The following MS4A10 variants were observed in gnomAD, a reference collection of about 807,000 sequenced individuals.
MS4A10 encodes membrane spanning 4-domains A10.
In MS4A10, 27 loss-of-function variants were observed where a neutral mutation model predicts 27.7. The ratio of observed to expected loss-of-function variants is 0.98; its 90% CI spans 0.72 to 1.35. MS4A10 has a LOEUF of 1.35. Among genes scored for constraint, MS4A10 ranks in the 40% most tolerant of loss-of-function variants. The probability of loss-of-function intolerance (pLI) is 0.00; values close to 1 mark genes in which losing one functional copy is unlikely to be tolerated. For missense variants in MS4A10, 338 were observed against 324.7 expected, an observed-to-expected ratio of 1.04 and a Z score of -0.32; for synonymous variants, 139 against 131.2, an observed-to-expected ratio of 1.06 and a Z score of -0.41.
intron 3 of MS4A10, 66 bp from the exon 4 acceptor site, chr11:60,792,199 G>T (rs1004592494): frequency 9.8e-6 from 12 of 1,227,826 alleles, no homozygotes; most frequent in Non-Finnish European, 1.4e-5. Flanking sequence ...TAGGGGTGGG[G>T]GTGGGAATTT....
intron 3 of MS4A10, among the ~76,000 whole-genome samples, chr11:60,791,698 T>C (rs1391414716): frequency 6.6e-6 from 1 of 152,214 alleles, no homozygotes; most frequent in Admixed American, 6.5e-5. Flanking sequence ...CCCTTTCACA[T>C]CAGTCCACTG....
rs1428554789 is a variant in MS4A10, at chr11:60,800,612, T to C, written c.*703T>C. 1 of 152,358 alleles carries C rather than the reference T, an allele frequency of 6.6e-6. No individual in the cohort carries two copies. The highest frequency in any genetic ancestry group is 1.9e-4 in the East Asian group (1 of 5,206). 9.4% of individuals were successfully genotyped at this position (152,358 alleles called of 1,614,324 possible). A position where few individuals can be genotyped will look rare whatever the true frequency, so the allele number is the denominator to read the frequency against. Reference sequence around the variant, plus strand: ...TTGTCATCTCTTTCGCTGCCACTTCTGGCTGTGGTCACTAGCTTGGCCATA... The same window carrying C: ...TTGTCATCTCTTTCGCTGCCACTTCCGGCTGTGGTCACTAGCTTGGCCATA... On this transcript the variant is annotated 3_prime_UTR_variant, in exon 8 of 8. Transcript: ENST00000308287.
intron 6 of MS4A10, among the ~76,000 whole-genome samples, chr11:60,797,828 G>GA (rs111465955): frequency 2.0e-5 from 3 of 152,248 alleles, no homozygotes; most frequent in African/African-American, 7.2e-5. Flanking sequence ...TTTTAAAGAG[G>GA]AAAAAATGAA....
intron 5 of MS4A10, among the ~76,000 whole-genome samples, chr11:60,794,347 G>A (rs1008039550): frequency 3.3e-5 from 5 of 152,162 alleles, no homozygotes; most frequent in Admixed American, 2.0e-4. Flanking sequence ...GGCCAGAGAC[G>A]GGGAGGAGCC....
intron 4 of MS4A10, among the ~76,000 whole-genome samples, chr11:60,793,441 T>C (rs1177027806): frequency 6.6e-6 from 1 of 152,200 alleles, no homozygotes. Flanking sequence ...AAGAGGCTCT[T>C]GGAATGATGC....
At chr11:60,786,071 A>G (rs1854330121) in intron 1 of MS4A10, among the ~76,000 whole-genome samples, 1 of 151,594 alleles carries the variant, frequency 6.6e-6, no homozygotes, top group African/African-American at 2.4e-5. Context: ...CCCACCCCCA[A>G]CACCAGCCTG....
chr11:60,798,422 TAC>T lies in MS4A10; in HGVS notation c.633_634del (p.Pro212IlefsTer34). 3 of 1,614,076 alleles carry T rather than the reference TAC, an allele frequency of 1.9e-6. No homozygotes were observed. The highest frequency in any genetic ancestry group is 8.5e-7 in the Non-Finnish European group (1 of 1,179,946). On this transcript the variant is annotated frameshift_variant, in exon 7 of 8. Transcript: ENST00000308287. LOFTEE classifies it high-confidence loss of function. ...ATGATGATGCATGCCTTGTTCCGAA[TAC>T]ACCATTGCATCTCAAAGGCCTGCCG... is the stretch of plus-strand genomic sequence containing the variant. Reference protein sequence around the residue: ...KNDDACLVPNTPLHLKGLPVE... With the variant: ...KNDDACLVPNXPLHLKGLPVE...
At position 60,791,015 on chromosome 11, in the gene MS4A10, G is replaced by A; in HGVS notation, c.225G>A (p.Gly75=). 1 of 1,614,150 alleles carries A rather than the reference G, an allele frequency of 6.2e-7. No homozygotes were observed. The highest frequency in any genetic ancestry group is 8.5e-7 in the Non-Finnish European group (1 of 1,180,028). Reference sequence around the variant, plus strand: ...TCGCTCTGCTGCACCTGGTCTTTGGGGGCTACCTGGCCTCTATAGTCAAGA... The same window carrying A: ...TCGCTCTGCTGCACCTGGTCTTTGGAGGCTACCTGGCCTCTATAGTCAAGA... ...ITIALLHLVF[G]GYLASIVKNL... The change falls in exon 3 of 8, where the codon GGG becomes GGA. Residue 75 remains glycine, a synonymous_variant. Coordinates refer to ENST00000308287, the MANE Select transcript of MS4A10 (RefSeq NM_206893.4).
chr11:60,796,718 CCA>C (rs1854540375), intron 6 of MS4A10, among the ~76,000 whole-genome samples: 2 of 152,154 alleles, frequency 1.3e-5, no homozygotes, highest in Middle Eastern at 3.2e-3. Context: ...TATGTCCAAC[CCA>C]CAGTCTTGCC....
In MS4A10 at chr11:60,795,615, C is replaced by A. The variant is rs1482741851; in HGVS notation, c.553C>A (p.Pro185Thr). The A allele has an allele frequency of 3.8e-6, 6 of 1,595,854 alleles. No individual in the cohort carries two copies. Among genetic ancestry groups the A allele is most frequent in the Non-Finnish European group, 4.3e-6 (5 of 1,170,896 alleles). Residue 185 changes from proline (P) to threonine (T), a missense_variant, in exon 6 of 8, where the codon CCA becomes ACA. Physicochemically the swap from Pro to Thr is conservative, Grantham distance 38. Coordinates refer to ENST00000308287, the MANE Select transcript of MS4A10 (RefSeq NM_206893.4). ...CTTCACTGTCCTAGAGCTCTTCCTG[C>A]CAGTGCCCACAGCTGTCACAGCCTG... ...LCFTVLELFL[P>T]VPTAVTAWRG... is the part of the protein sequence containing the mutation.
intron 7 of MS4A10, among the ~76,000 whole-genome samples, chr11:60,799,228 G>A (rs550260876): frequency 2.0e-5 from 3 of 152,288 alleles, no homozygotes; most frequent in Middle Eastern, 3.4e-3. Context: ...TTGTGACATC[G>A]AGGTTGCCAG....
chr11:60,790,609 GAA>G, intron 2 of MS4A10, 91 bp downstream of exon 2: 2 of 1,385,886 alleles, frequency 1.4e-6, no homozygotes, highest in Non-Finnish European at 2.0e-6. Flanking sequence ...GGAAGAAAGG[GAA>G]AAGAGAAAGG....
At chr11:60,791,630 C>A (rs139361745) in intron 3 of MS4A10, among the ~76,000 whole-genome samples, 2 of 152,362 alleles carry the variant, frequency 1.3e-5, no homozygotes, top group East Asian at 3.9e-4. Context: ...CAGGTGGAGT[C>A]CTGCCTATGC....
At chr11:60,796,458 T>C (rs552586116) in intron 6 of MS4A10, among the ~76,000 whole-genome samples, 19 of 152,246 alleles carry the variant, frequency 1.2e-4, no homozygotes, top group African/African-American at 4.6e-4. Flanking sequence ...AATTTTTGTA[T>C]TTTTTTAAGT....
chr11:60,786,172 T>TGCACACACACACACAC (rs1565079099), intron 1 of MS4A10, among the ~76,000 whole-genome samples: 13 of 131,500 alleles, frequency 9.9e-5, no homozygotes, highest in Middle Eastern at 3.8e-3. Flanking sequence ...TGCACACACA[T>TGCACACACACACACAC]GCACACACAC....
In MS4A10 at chr11:60,790,982, C is replaced by T. The variant is rs200625990; in HGVS notation, c.192C>T (p.His64=). Residue 64 remains histidine, a synonymous_variant, in exon 3 of 8, where the codon CAC becomes CAT. Coordinates refer to ENST00000308287, the MANE Select transcript of MS4A10 (RefSeq NM_206893.4). ...SSLLKELGAF[H]ITIALLHLVF... ...CTCTCTTCCCCACCCAGGCCTTCCA[C>T]ATCACCATCGCTCTGCTGCACCTGG... The T allele has an allele frequency of 1.9e-6, 3 of 1,614,066 alleles. No individual in the cohort carries two copies. In the African/African-American group the frequency reaches 4.0e-5, roughly 22 times the overall value.
chr11:60,800,539 C>G lies in MS4A10; in HGVS notation c.*630C>G, dbSNP rs76804007. 4,684 of 152,498 alleles carry G rather than the reference C, an allele frequency of 0.031. 84 individuals are homozygous for G. Among genetic ancestry groups the G allele is most frequent in the South Asian group, 0.055 (267 of 4,828 alleles). The allele number at this position is 152,498 out of a possible 1,614,324, so 9.4% of individuals were successfully genotyped here. Reference sequence around the variant, plus strand: ...AGGGATGCTCTCAGTATCATTTGCCCTTGCACAGAATATCCCTGGGGTTTG... The same window carrying G: ...AGGGATGCTCTCAGTATCATTTGCCGTTGCACAGAATATCCCTGGGGTTTG... On this transcript the variant is annotated 3_prime_UTR_variant, in exon 8 of 8. Coordinates refer to ENST00000308287, the MANE Select transcript of MS4A10 (RefSeq NM_206893.4).
chr11:60,788,156 G>A (rs1854370687), intron 1 of MS4A10, among the ~76,000 whole-genome samples: 2 of 152,194 alleles, frequency 1.3e-5, no homozygotes, highest in South Asian at 4.1e-4. Context: ...GAGAAAAAGG[G>A]AGAAGAGGCT....
Position 60,790,301 on chromosome 11 carries a change from C to T in MS4A10, c.-22-13C>T. On this transcript the variant is annotated splice_polypyrimidine_tract_variant and intron_variant, in intron 1 of 7. Coordinates refer to ENST00000308287, the MANE Select transcript of MS4A10 (RefSeq NM_206893.4). ...TGAGACGGGTTCTGACGGCCTTCCT[C>T]CCCGTCCTGCAGCCAGGGCCCCCAT... 6.2e-7 allele frequency: 1 copy of T among 1,609,888 alleles called. No individual in the cohort carries two copies. Among genetic ancestry groups the T allele is most frequent in the Non-Finnish European group, 8.5e-7 (1 of 1,177,458 alleles).
Sources: allele counts gnomAD v4.1 joint callset (sites outside exome capture counted in the v4.1 genomes callset), GRCh38; gene constraint gnomAD v4.1.1; transcripts MANE v1.5; gene names NCBI Gene and HGNC (gene_info 2026-07-23, HGNC 2026-07-21).